SYT16: variants seen among roughly 807,000 people sequenced by gnomAD.
SYT16 encodes synaptotagmin-16.
Under a neutral mutation model 61.4 loss-of-function variants are expected in SYT16, and 42 were observed. The observed-to-expected ratio is 0.68, with a 90% confidence interval of 0.53 to 0.89. SYT16 has a LOEUF of 0.89. Ranked by LOEUF, SYT16 falls within the 40% of genes least tolerant of loss-of-function variation. SYT16 has a pLI of 0.00. For missense variants in SYT16, 804 were observed against 807.3 expected, an observed-to-expected ratio of 1.00 and a Z score of 0.05; for synonymous variants, 314 against 302.3, an observed-to-expected ratio of 1.04 and a Z score of -0.40.
intron 3 of SYT16, among the ~76,000 whole-genome samples, chr14:62,022,431 C>T (rs1045513213): frequency 6.6e-6 from 1 of 152,104 alleles, no homozygotes; most frequent in East Asian, 1.9e-4. Flanking sequence ...CTGTTCTGCA[C>T]TGGCTGTTTC....
chr14:62,052,551 G>C (rs2055356361), intron 3 of SYT16, among the ~76,000 whole-genome samples: 1 of 152,158 alleles, frequency 6.6e-6, no homozygotes, highest in African/African-American at 2.4e-5. Flanking sequence ...TAAGCTAGTT[G>C]AATCCCTCTA....
At chr14:61,831,991 C>T (rs2045952178) in intron 1 of SYT16, 2 of 636,438 alleles carry the variant, frequency 3.1e-6, no homozygotes, top group African/African-American at 1.8e-5. Context: ...GGGATGGGGC[C>T]GTACACACAG....
Position 62,100,668 on chromosome 14 carries a change from C to G in SYT16, c.1899C>G (p.Gly633=). ...GGGAGGAGATGAAGGAAACCAAAGG[C>G]CAGCAGATCTGCAGATGGCACACTT... ...DHWEEMKETK[G]QQICRWHTLL... The change falls in exon 8 of 8, where the codon GGC becomes GGG. Residue 633 remains glycine (G), a synonymous_variant. Transcript: ENST00000683842. 1 of 1,613,716 alleles carries G rather than the reference C, an allele frequency of 6.2e-7. No individual in the cohort carries two copies. Among genetic ancestry groups the G allele is most frequent in the Non-Finnish European group, 8.5e-7 (1 of 1,179,766 alleles).
At chr14:61,835,991 C>G (rs1025192110) in intron 1 of SYT16, among the ~76,000 whole-genome samples, 3 of 152,172 alleles carry the variant, frequency 2.0e-5, no homozygotes, top group Non-Finnish European at 4.4e-5. Flanking sequence ...ACGTTGCCAT[C>G]ACCGGGAACT....
At chr14:62,053,204 G>A (rs959837176) in intron 3 of SYT16, among the ~76,000 whole-genome samples, 4 of 152,210 alleles carry the variant, frequency 2.6e-5, no homozygotes, top group African/African-American at 9.7e-5. Context: ...AATGTGAACA[G>A]TAAAGTCCAT....
intron 1 of SYT16, among the ~76,000 whole-genome samples, chr14:61,894,533 C>A (rs1223837466): frequency 6.6e-6 from 1 of 152,118 alleles, no homozygotes; most frequent in Non-Finnish European, 1.5e-5. Context: ...TGATTGAACT[C>A]CCACACAGAA....
intron 3 of SYT16, among the ~76,000 whole-genome samples, chr14:62,025,985 C>T (rs2054088509): frequency 6.6e-6 from 1 of 151,908 alleles, no homozygotes; most frequent in Admixed American, 6.6e-5. Flanking sequence ...TGAGGTAAAC[C>T]TTATTTGGTT....
rs373764585 is a variant in SYT16 at position 62,040,358 on chromosome 14, C to A, written c.524-29245C>A. 5.1e-4 allele frequency among the ~76,000 whole-genome samples: 78 copies of A among 152,246 alleles called. 4 individuals carry two copies. In the South Asian group the frequency reaches 0.016, roughly 32 times the overall value. ...GGTCAAAGTTAACATCTGCCTGCTA[C>A]AACACATACATACAATTGGGACATT... On this transcript the variant is annotated intron_variant, in intron 3 of 7. Coordinates refer to ENST00000683842, the MANE Select transcript of SYT16 (RefSeq NM_001367656.1).
At chr14:62,086,614 A>G (rs1346401356) in intron 7 of SYT16, among the ~76,000 whole-genome samples, 1 of 152,260 alleles carries the variant, frequency 6.6e-6, no homozygotes, top group Non-Finnish European at 1.5e-5. Context: ...CCTGTAATAC[A>G]TGCAAAACTG....
intron 1 of SYT16, among the ~76,000 whole-genome samples, chr14:61,917,109 A>G (rs1205668197): frequency 6.6e-6 from 1 of 152,156 alleles, no homozygotes; most frequent in Admixed American, 6.6e-5. Flanking sequence ...TATACCCAGC[A>G]GTGGGATTGC....
chr14:62,091,424 T>C (rs1213974392), intron 7 of SYT16, among the ~76,000 whole-genome samples: 3 of 152,070 alleles, frequency 2.0e-5, no homozygotes, highest in Non-Finnish European at 4.4e-5. Context: ...AACATGTAAG[T>C]AAATATAGGC....
At chr14:61,871,257 G>A (rs2047323077) in intron 1 of SYT16, among the ~76,000 whole-genome samples, 1 of 151,116 alleles carries the variant, frequency 6.6e-6, no homozygotes, top group Non-Finnish European at 1.5e-5. Context: ...ATTATTCCCA[G>A]CTTTTTATGA....
chr14:61,928,417 CAT>C (rs2049623411), intron 1 of SYT16, among the ~76,000 whole-genome samples: 1 of 152,308 alleles, frequency 6.6e-6, no homozygotes, highest in South Asian at 2.1e-4. Flanking sequence ...CAGCTTTTAA[CAT>C]AGTCTTGACC....
At position 61,996,167 on chromosome 14, in the gene SYT16, A is replaced by G. The variant is rs753008872; in HGVS notation, c.148A>G (p.Ser50Gly). The G allele has an allele frequency of 1.1e-5, 17 of 1,613,368 alleles. No homozygotes were observed. Among genetic ancestry groups the G allele is most frequent in the Admixed American group, 3.3e-5 (2 of 59,930 alleles). Residue 50 changes from serine (S) to glycine (G), a missense_variant, in exon 3 of 8, where the codon AGT becomes GGT. By Grantham distance (56) the Ser-to-Gly change is moderately conservative (BLOSUM62 0). Coordinates refer to ENST00000683842, the MANE Select transcript of SYT16 (RefSeq NM_001367656.1). ...CATAAGCAAACAAGACTCTAAATTG[A>G]GTGACAAACTAGATCAGGACTTAGA... ...VNISKQDSKL[S>G]DKLDQDLDNI...
chr14:61,906,054 C>A (rs1213040290), intron 1 of SYT16, among the ~76,000 whole-genome samples: 1 of 152,186 alleles, frequency 6.6e-6, no homozygotes, highest in Non-Finnish European at 1.5e-5. Flanking sequence ...CGCGCCCAGC[C>A]ATGGACTTCT....
At chr14:61,864,650 G>T (rs1259363335) in intron 1 of SYT16, among the ~76,000 whole-genome samples, 1 of 152,256 alleles carries the variant, frequency 6.6e-6, no homozygotes, top group Non-Finnish European at 1.5e-5. Flanking sequence ...AATGAGTGCG[G>T]TACTCTCAGG....
At chr14:61,865,320 C>T in intron 1 of SYT16, 4 of 717,614 alleles carry the variant, frequency 5.6e-6, no homozygotes, top group Non-Finnish European at 1.0e-5. Context: ...ATGCGGAGAG[C>T]CTGAAGCTCT....
At chr14:61,817,899 G>A (rs1271181472) in intron 1 of SYT16, among the ~76,000 whole-genome samples, 3 of 152,194 alleles carry the variant, frequency 2.0e-5, no homozygotes, top group African/African-American at 2.4e-5. Context: ...TGTATCATAT[G>A]AGAGAGAAAG....
chr14:61,961,757 C>T (rs2051125137), intron 1 of SYT16, among the ~76,000 whole-genome samples: 2 of 152,258 alleles, frequency 1.3e-5, no homozygotes, highest in South Asian at 4.1e-4. Context: ...CCACCAATCC[C>T]ATTAGTGAGT....
Sources: allele counts gnomAD v4.1 joint callset (sites outside exome capture counted in the v4.1 genomes callset), GRCh38; gene constraint gnomAD v4.1.1; transcripts MANE v1.5; gene names NCBI Gene and HGNC (gene_info 2026-07-23, HGNC 2026-07-21).